Variants in HDAC8 observed in about 807,000 individuals in gnomAD.
HDAC8 encodes the protein histone deacetylase 8, also known as histone deacetylase-like 1.
A neutral mutation model predicts 32.2 loss-of-function variants in HDAC8; 1 was observed. That is an observed-to-expected ratio of 0.03 (90% CI 0.01 to 0.15). The LOEUF is 0.15. Among genes scored for constraint, HDAC8 ranks in the 10% least tolerant of loss-of-function variants. The probability of loss-of-function intolerance (pLI) is 1.00; values close to 1 mark genes in which losing one functional copy is unlikely to be tolerated. For missense variants in HDAC8, 117 were observed against 300.0 expected, an observed-to-expected ratio of 0.39 and a Z score of 4.51; for synonymous variants, 108 against 113.9, an observed-to-expected ratio of 0.95 and a Z score of 0.33.
At chrX:72,538,185 CTTTTTTT>C (rs782378380) in intron 4 of HDAC8, among the ~76,000 whole-genome samples, 11 of 95,566 alleles carry the variant, frequency 1.2e-4, no homozygotes, top group South Asian at 4.8e-4. Context: ...TTTTGTTTTT[CTTTTTTT>C]TTTTTTTTGG....
At chrX:72,522,617 C>A (rs892491086) in intron 4 of HDAC8, among the ~76,000 whole-genome samples, 19 of 112,228 alleles carry the variant, frequency 1.7e-4, no homozygotes, top group African/African-American at 5.8e-4. Flanking sequence ...GAGCCGATTG[C>A]TGCATATTAA....
intron 4 of HDAC8, among the ~76,000 whole-genome samples, chrX:72,503,793 C>T (rs2049301401): frequency 8.9e-6 from 1 of 111,972 alleles, no homozygotes; most frequent in Non-Finnish European, 1.9e-5. Flanking sequence ...TATGATCAGA[C>T]ACTTTTAAGG....
At chrX:72,388,887 G>T (rs1022189128) in intron 9 of HDAC8, among the ~76,000 whole-genome samples, 22 of 111,917 alleles carry the variant, frequency 2.0e-4, no homozygotes, top group African/African-American at 7.1e-4. Context: ...ACAAGAAACT[G>T]ACCATGCTGG....
chrX:72,489,055 G>T lies in HDAC8; in HGVS notation c.629-14C>A. On this transcript the variant is annotated splice_polypyrimidine_tract_variant and intron_variant, in intron 6 of 10. Transcript: ENST00000373573. ...CGTCACCTGTTCCTATAAAAGAGAAGAGCACTATGATCAGTTATTAGGAAC... is the reference window on the plus strand; with the variant it reads ...CGTCACCTGTTCCTATAAAAGAGAATAGCACTATGATCAGTTATTAGGAAC... The T allele has an allele frequency of 9.2e-7, 1 of 1,089,345 alleles. No individual in the cohort carries two copies. Among genetic ancestry groups the T allele is most frequent in the East Asian group, 3.0e-5 (1 of 33,007 alleles). The allele number at this position is 1,089,345 out of a possible 1,213,427, so 89.8% of individuals were successfully genotyped here. A position where few individuals can be genotyped will look rare whatever the true frequency, so the allele number is the denominator to read the frequency against.
intron 2 of HDAC8, among the ~76,000 whole-genome samples, chrX:72,571,553 C>CTTTTTTTTT (rs782331910): frequency 8.5e-4 from 26 of 30,445 alleles, no homozygotes; most frequent in East Asian, 1.4e-3. Context: ...TTCTTTCTTT[C>CTTTTTTTTT]TTTTTTTTTT....
chrX:72,424,717 C>T (rs1443606968), intron 9 of HDAC8, among the ~76,000 whole-genome samples: 2 of 111,643 alleles, frequency 1.8e-5, no homozygotes, highest in Non-Finnish European at 3.8e-5. Flanking sequence ...AACTCCCCAA[C>T]CCCCACTTCT....
chrX:72,567,461 T>C (rs782052934), intron 4 of HDAC8: 1 of 301,035 alleles, frequency 3.3e-6, no homozygotes, highest in Non-Finnish European at 5.9e-6. Context: ...CTCATACATA[T>C]ATTCCATTGG....
intron 4 of HDAC8, among the ~76,000 whole-genome samples, chrX:72,511,704 T>C (rs1028269804): frequency 8.9e-6 from 1 of 112,066 alleles, no homozygotes; most frequent in Non-Finnish European, 1.9e-5. Flanking sequence ...GCTTTCAGAT[T>C]TTCTGGCTTT....
intron 9 of HDAC8, among the ~76,000 whole-genome samples, chrX:72,371,679 G>A (rs183928828): frequency 7.8e-4 from 87 of 112,145 alleles, no homozygotes; most frequent in African/African-American, 2.7e-3. Context: ...TGGAAGTTGG[G>A]TCCTGTATCT....
At chrX:72,491,116 C>A in intron 5 of HDAC8, 110 bp from the exon 6 acceptor site, 1 of 479,695 alleles carries the variant, frequency 2.1e-6, no homozygotes, top group Non-Finnish European at 3.7e-6. Context: ...GAGAAGGCAG[C>A]AATATAAAAC....
At chrX:72,443,735 A>G (rs1377583271) in intron 9 of HDAC8, among the ~76,000 whole-genome samples, 5 of 108,455 alleles carry the variant, frequency 4.6e-5, no homozygotes, top group African/African-American at 1.8e-4. Flanking sequence ...CAAAAAATTA[A>G]TGAATCCAGG....
chrX:72,571,553 C>CTTTTTTTTTTTTTTTTT (rs782331910), intron 2 of HDAC8, among the ~76,000 whole-genome samples: 49 of 30,440 alleles, frequency 1.6e-3, no homozygotes, highest in Non-Finnish European at 2.5e-3. Context: ...TTCTTTCTTT[C>CTTTTTTTTTTTTTTTTT]TTTTTTTTTT....
At chrX:72,363,928 C>G (rs1308348825) in intron 9 of HDAC8, among the ~76,000 whole-genome samples, 1 of 111,728 alleles carries the variant, frequency 9.0e-6, no homozygotes, top group African/African-American at 3.3e-5. Context: ...CTTGACAACT[C>G]GGATCAATTG....
intron 9 of HDAC8, among the ~76,000 whole-genome samples, chrX:72,402,810 C>T (rs1555967784): frequency 1.8e-5 from 2 of 111,409 alleles, no homozygotes; most frequent in African/African-American, 6.5e-5. Flanking sequence ...GTTATTGCAT[C>T]ATGTATCTTG....
chrX:72,542,848 G>A (rs782418106), intron 4 of HDAC8, among the ~76,000 whole-genome samples: 1 of 112,429 alleles, frequency 8.9e-6, no homozygotes, highest in Admixed American at 9.4e-5. Context: ...GATTCAGTTA[G>A]TGTAATTCAT....
intron 4 of HDAC8, among the ~76,000 whole-genome samples, chrX:72,546,510 G>A (rs782132358): frequency 9.0e-6 from 1 of 111,166 alleles, no homozygotes; most frequent in African/African-American, 3.3e-5. Context: ...GTGGAAGGGT[G>A]AAGACTAGCC....
At chrX:72,382,329 GGAGGTCACAAC>G (rs782085033) in intron 9 of HDAC8, among the ~76,000 whole-genome samples, 2 of 112,383 alleles carry the variant, frequency 1.8e-5, no homozygotes, top group East Asian at 5.6e-4. Flanking sequence ...AGTGCCACCA[GGAGGTCACAAC>G]GCATAACTTG....
intron 5 of HDAC8, among the ~76,000 whole-genome samples, chrX:72,491,569 T>C (rs1340631592): frequency 2.7e-5 from 3 of 112,322 alleles, no homozygotes; most frequent in Non-Finnish European, 5.6e-5. Flanking sequence ...AAGTAACTTA[T>C]AGTACATCTT....
chrX:72,331,167 G>A lies in HDAC8; in HGVS notation c.1112-1091C>T, dbSNP rs1259093775. 3.7e-5 allele frequency among the ~76,000 whole-genome samples: 4 copies of A among 109,477 alleles called. No homozygotes were observed. The East Asian group carries it at 8.6e-4, about 24-fold the overall frequency. On this transcript the variant is annotated intron_variant, in intron 10 of 10. Transcript: ENST00000373573. ...TCACCATGCTGGCCAGGATGGTCTCGATCTCTTGATCTCGTGATCCACCCG... is the reference window on the plus strand; with the variant it reads ...TCACCATGCTGGCCAGGATGGTCTCAATCTCTTGATCTCGTGATCCACCCG...
Sources: gnomAD v4.1 joint callset for allele counts (sites outside exome capture counted in the v4.1 genomes callset) on GRCh38, gnomAD v4.1.1 for gene constraint, MANE v1.5 for transcripts, NCBI Gene and HGNC (gene_info 2026-07-23, HGNC 2026-07-21) for gene names.